ACTL8: variants seen among roughly 807,000 people sequenced by gnomAD.
The protein encoded by ACTL8 is actin-like protein 8.
Under a neutral mutation model 9.3 loss-of-function variants are expected in ACTL8, and 3 were observed. The ratio of observed to expected loss-of-function variants is 0.32; its 90% CI spans 0.15 to 0.83. The LOEUF is 0.83. Ranked by LOEUF, ACTL8 falls within the 40% of genes least tolerant of loss-of-function variation. The probability of loss-of-function intolerance (pLI) is 0.57; values close to 1 mark genes in which losing one functional copy is unlikely to be tolerated. For synonymous variants in ACTL8, 224 were observed against 205.9 expected, an observed-to-expected ratio of 1.09 and a Z score of -0.75; for missense variants, 381 against 492.2, an observed-to-expected ratio of 0.77 and a Z score of 2.14.
At chr1:17,792,401 C>T (rs2066246368) in intron 1 of ACTL8, among the ~76,000 whole-genome samples, 1 of 152,128 alleles carries the variant, frequency 6.6e-6, no homozygotes. Flanking sequence ...ATTGTGTAAC[C>T]CTGTGGTTTT....
chr1:17,801,699 G>A (rs2066323604), intron 1 of ACTL8, among the ~76,000 whole-genome samples: 2 of 151,926 alleles, frequency 1.3e-5, no homozygotes, highest in East Asian at 1.9e-4. Flanking sequence ...GAAAGTAAAT[G>A]TAAAAAAAAC....
chr1:17,814,360 A>T (rs1450144401), intron 1 of ACTL8, among the ~76,000 whole-genome samples: 1 of 152,230 alleles, frequency 6.6e-6, no homozygotes, highest in Non-Finnish European at 1.5e-5. Context: ...ACATACAATT[A>T]TATTACAGTT....
At chr1:17,820,153 C>T (rs2053640857) in intron 1 of ACTL8, among the ~76,000 whole-genome samples, 2 of 152,178 alleles carry the variant, frequency 1.3e-5, no homozygotes, top group African/African-American at 4.8e-5. Context: ...GCCATGTCCC[C>T]TCTGGTCATC....
chr1:17,763,283 C>T (rs2066020492), intron 1 of ACTL8, among the ~76,000 whole-genome samples: 1 of 150,660 alleles, frequency 6.6e-6, no homozygotes, highest in African/African-American at 2.4e-5. Context: ...GTTGATGCAC[C>T]CCTGTGTTGG....
intron 1 of ACTL8, among the ~76,000 whole-genome samples, chr1:17,768,367 T>C (rs1035911502): frequency 5.9e-5 from 9 of 152,152 alleles, no homozygotes; most frequent in African/African-American, 1.9e-4. Flanking sequence ...GCAGGGCTCA[T>C]GTTCAACAGT....
intron 1 of ACTL8, among the ~76,000 whole-genome samples, chr1:17,819,718 G>A (rs1186826789): frequency 6.6e-6 from 1 of 152,198 alleles, no homozygotes; most frequent in Non-Finnish European, 1.5e-5. Context: ...CACACCCGCT[G>A]GATTTTTCCC....
chr1:17,790,143 A>G (rs2066228695), intron 1 of ACTL8, among the ~76,000 whole-genome samples: 1 of 152,222 alleles, frequency 6.6e-6, no homozygotes, highest in South Asian at 2.1e-4. Flanking sequence ...GTGTACCACA[A>G]GCAGCTTCCA....
rs34383884 is a variant in ACTL8 at position 17,816,200 on chromosome 1, C to CTTTTTTTT, written c.-24-6776_-24-6769dup. Among the ~76,000 whole-genome samples the CTTTTTTTT allele has an allele frequency of 2.9e-4, 40 of 139,632 alleles. No individual in the cohort carries two copies. In the South Asian group the frequency reaches 5.3e-3, roughly 19 times the overall value. 91.6% of individuals were successfully genotyped at this position (139,632 alleles called of 152,430 possible). A position where few individuals can be genotyped will look rare whatever the true frequency, so the allele number is the denominator to read the frequency against. On this transcript the variant is annotated intron_variant, in intron 1 of 2. Transcript: ENST00000375406. ...GCAATAGAACTCAAAATATTAATAG[C>CTTTTTTTT]TTTTTTTTTTTTTTTTGAGACCAGG... is the stretch of plus-strand genomic sequence containing the variant.
chr1:17,794,725 A>T (rs1374299674), intron 1 of ACTL8, among the ~76,000 whole-genome samples: 1 of 152,188 alleles, frequency 6.6e-6, no homozygotes, highest in Non-Finnish European at 1.5e-5. Flanking sequence ...TCTTGTTGTC[A>T]TAAGCCAATG....
At chr1:17,797,935 G>C (rs1288144391) in intron 1 of ACTL8, among the ~76,000 whole-genome samples, 1 of 152,206 alleles carries the variant, frequency 6.6e-6, no homozygotes, top group African/African-American at 2.4e-5. Context: ...TAGGAGGCGA[G>C]GAGGTGGGAG....
At chr1:17,819,022 TC>T (rs2053622698) in intron 1 of ACTL8, among the ~76,000 whole-genome samples, 1 of 152,214 alleles carries the variant, frequency 6.6e-6, no homozygotes, top group African/African-American at 2.4e-5. Flanking sequence ...TCTTTTACAG[TC>T]ATGTGCCAGG....
intron 1 of ACTL8, among the ~76,000 whole-genome samples, chr1:17,782,407 A>G (rs937026821): frequency 6.6e-6 from 1 of 152,232 alleles, no homozygotes; most frequent in African/African-American, 2.4e-5. Flanking sequence ...CTATAAAGCA[A>G]TATCTGTCCA....
intron 1 of ACTL8, among the ~76,000 whole-genome samples, chr1:17,783,365 A>T (rs3063132): frequency 0.24 from 16,917 of 69,812 alleles, 2,100 homozygotes; most frequent in African/African-American, 0.51. Flanking sequence ...TTTTTTTTTT[A>T]AAAAAACTCC....
chr1:17,776,326 G>C (rs1333828354), intron 1 of ACTL8, among the ~76,000 whole-genome samples: 1 of 152,224 alleles, frequency 6.6e-6, no homozygotes, highest in Non-Finnish European at 1.5e-5. Context: ...ACCAGATCCT[G>C]TGTACAGCCA....
chr1:17,756,130 G>A (rs1569983396), intron 1 of ACTL8, among the ~76,000 whole-genome samples: 1 of 151,770 alleles, frequency 6.6e-6, no homozygotes, highest in South Asian at 2.1e-4. Flanking sequence ...ATCAATCACA[G>A]CCCTGGGTAG....
intron 1 of ACTL8, among the ~76,000 whole-genome samples, chr1:17,774,435 G>A (rs2066104290): frequency 6.6e-6 from 1 of 152,068 alleles, no homozygotes; most frequent in Non-Finnish European, 1.5e-5. Context: ...AATGGAATGG[G>A]GACAGGATAC....
intron 1 of ACTL8, among the ~76,000 whole-genome samples, chr1:17,781,366 G>A (rs1311398964): frequency 6.6e-6 from 1 of 151,718 alleles, no homozygotes; most frequent in Non-Finnish European, 1.5e-5. Context: ...TCAGCCTCCT[G>A]AGTAGCTGGG....
rs780320203 is a variant in ACTL8 at position 17,826,375 on chromosome 1, C to T, written c.957C>T (p.His319=). 7.4e-6 allele frequency: 12 copies of T among 1,613,998 alleles called. No homozygotes were observed. In the South Asian group the frequency reaches 8.8e-5, roughly 12 times the overall value. ...TGTTCAGGGAGCTGATGGGGGATCA[C>T]GTCTCCTCCACCAAGGCCACAGTCT... ...KRLFRELMGD[H]VSSTKATVWE... Residue 319 remains histidine, a synonymous_variant, in exon 3 of 3, where the codon CAC becomes CAT. Transcript: ENST00000375406. The surrounding 1 kb of genome is among the most constrained non-coding windows in gnomAD (Gnocchi z 4.5).
At chr1:17,811,321 C>G (rs2066391980) in intron 1 of ACTL8, among the ~76,000 whole-genome samples, 1 of 152,130 alleles carries the variant, frequency 6.6e-6, no homozygotes, top group Non-Finnish European at 1.5e-5. Flanking sequence ...ATTAGTTGGT[C>G]TTTATATATT....
Sources: gnomAD v4.1 joint callset for allele counts (sites outside exome capture counted in the v4.1 genomes callset) on GRCh38, gnomAD v4.1.1 for gene constraint, Gnocchi (gnomAD v3.1) non-coding constraint, MANE v1.5 for transcripts, NCBI Gene and HGNC (gene_info 2026-07-23, HGNC 2026-07-21) for gene names.